PFKFB3: variants seen among roughly 807,000 people sequenced by gnomAD.
The protein encoded by PFKFB3 is 6-phosphofructo-2-kinase/fructose-2,6-biphosphatase 3.
A neutral mutation model predicts 68.0 loss-of-function variants in PFKFB3; 33 were observed. The ratio of observed to expected loss-of-function variants is 0.49; its 90% CI spans 0.37 to 0.65. The LOEUF (loss-of-function observed/expected upper bound fraction) is 0.65, where lower values mean the gene tolerates loss of function less well. Among genes scored for constraint, PFKFB3 ranks in the 30% least tolerant of loss-of-function variants. The pLI, the probability that PFKFB3 is intolerant of heterozygous loss-of-function variation, is 0.00. For synonymous variants in PFKFB3, 315 were observed against 288.2 expected (o/e 1.09, Z -0.94); for missense variants, 586 against 712.2 (o/e 0.82, Z 2.02).
downstream of PFKFB3, among the ~76,000 whole-genome samples, chr10:6,255,347 C>T (rs151239020): frequency 1.2e-3 from 184 of 152,260 alleles, 1 homozygote; most frequent in African/African-American, 4.0e-3. Flanking sequence ...TGGTCTCAAA[C>T]TCCTGACCTC....
chr10:6,318,873 T>C, the PFKFB3 span, among the ~76,000 whole-genome samples: 1 of 152,192 alleles, frequency 6.6e-6, no homozygotes, highest in African/African-American at 2.4e-5. Context: ...TGCGAAGGTC[T>C]GGAGGCCAAG....
the PFKFB3 span, among the ~76,000 whole-genome samples, chr10:6,285,517 G>A: frequency 3.0e-4 from 45 of 152,282 alleles, no homozygotes; most frequent in Non-Finnish European, 5.1e-4. Flanking sequence ...ACAGGCATGA[G>A]CCACTGCGCC....
the PFKFB3 span, among the ~76,000 whole-genome samples, chr10:6,273,642 C>T: frequency 6.6e-6 from 1 of 152,244 alleles, no homozygotes; most frequent in South Asian, 2.1e-4. Flanking sequence ...CAGGGTGTGA[C>T]CTTATTTGGA....
the PFKFB3 span, among the ~76,000 whole-genome samples, chr10:6,323,692 A>G: frequency 6.6e-6 from 1 of 152,242 alleles, no homozygotes; most frequent in Non-Finnish European, 1.5e-5. Flanking sequence ...CTCCAATACG[A>G]TGAAAAGACC....
the PFKFB3 span, among the ~76,000 whole-genome samples, chr10:6,304,082 C>T: frequency 6.6e-6 from 1 of 152,176 alleles, no homozygotes; most frequent in Admixed American, 6.5e-5. Flanking sequence ...GTTTTCTAAT[C>T]AGAGTTTTAG....
At chr10:6,155,356 C>T (rs1279190337) in intron 1 of PFKFB3, among the ~76,000 whole-genome samples, 1 of 151,870 alleles carries the variant, frequency 6.6e-6, no homozygotes, top group East Asian at 1.9e-4. Context: ...GCGCCCACCA[C>T]CACGCCCGGC....
chr10:6,302,749 TACACAC>T, the PFKFB3 span, among the ~76,000 whole-genome samples: 16,107 of 145,742 alleles, frequency 0.11, 1,005 homozygotes, highest in Non-Finnish European at 0.15. Context: ...TGTGTGTGTA[TACACAC>T]ACACACACAC....
intron 1 of PFKFB3, among the ~76,000 whole-genome samples, chr10:6,188,002 CATAT>C (rs35827719): frequency 0.74 from 109,198 of 148,176 alleles, 41,960 homozygotes; most frequent in Non-Finnish European, 0.85. Flanking sequence ...TACCTACCTA[CATAT>C]ATATATATAT....
chr10:6,272,512 G>A, the PFKFB3 span, among the ~76,000 whole-genome samples: 1 of 152,190 alleles, frequency 6.6e-6, no homozygotes, highest in African/African-American at 2.4e-5. Context: ...TGGCCAACAT[G>A]GTGAACCCCG....
intron 14 of PFKFB3, among the ~76,000 whole-genome samples, chr10:6,244,848 G>A (rs1033605486): frequency 3.3e-5 from 5 of 152,114 alleles, no homozygotes; most frequent in Admixed American, 6.5e-5. Context: ...CCTATTAATG[G>A]CCCGAGATTG....
At chr10:6,219,468 A>G (rs1844803158) in intron 6 of PFKFB3, 101 bp from the exon 7 acceptor site, 4 of 1,264,284 alleles carry the variant, frequency 3.2e-6, no homozygotes, top group Non-Finnish European at 4.6e-6. Context: ...CTTTATACTG[A>G]GCCTTCTGTG....
chr10:6,194,934 G>C (rs565340378), intron 1 of PFKFB3, among the ~76,000 whole-genome samples: 2 of 151,096 alleles, frequency 1.3e-5, no homozygotes, highest in South Asian at 4.2e-4. Context: ...ATGCAGTGGC[G>C]CAATCTCGGC....
intron 2 of PFKFB3, among the ~76,000 whole-genome samples, chr10:6,214,993 C>T (rs1161834583): frequency 7.9e-5 from 12 of 152,216 alleles, no homozygotes; most frequent in South Asian, 2.1e-4. Context: ...GCAGAGCATG[C>T]GGCAGGGGCA....
In PFKFB3 at chr10:6,235,429, T is replaced by C. The variant is rs1333855602; in HGVS notation, c.*2487T>C. The stretch of plus-strand genomic sequence containing the variant: ...TGTTCTGTGTATTTGTCTGAATTAA[T>C]GACCTGGGATATAAAGCTATGCTAG... On this transcript the variant is annotated 3_prime_UTR_variant, in exon 15 of 15. Coordinates refer to ENST00000379775, the MANE Select transcript of PFKFB3 (RefSeq NM_004566.4). The C allele has an allele frequency of 6.6e-6, 1 of 152,344 alleles. No individual in the cohort carries two copies. Among genetic ancestry groups the C allele is most frequent in the Non-Finnish European group, 1.5e-5 (1 of 68,040 alleles). 9.4% of individuals were successfully genotyped at this position (152,344 alleles called of 1,614,324 possible).
At chr10:6,236,559 A>G (rs1846016606), downstream of PFKFB3, among the ~76,000 whole-genome samples, 2 of 152,220 alleles carry the variant, frequency 1.3e-5, no homozygotes, top group African/African-American at 4.8e-5. Flanking sequence ...CTCTGTTGCG[A>G]GATGACTCCC....
intron 14 of PFKFB3, chr10:6,231,669 G>A (rs943004407): frequency 2.4e-6 from 2 of 849,072 alleles, no homozygotes; most frequent in Non-Finnish European, 2.8e-6. Context: ...CCACAGCCCG[G>A]CTGGGGCTCT....
the PFKFB3 span, among the ~76,000 whole-genome samples, chr10:6,297,166 G>T: frequency 6.6e-6 from 1 of 152,222 alleles, no homozygotes; most frequent in East Asian, 1.9e-4. Context: ...TGTCCCAGTG[G>T]AGCATAAACA....
At chr10:6,226,127 G>T in intron 13 of PFKFB3, 65 bp from the exon 14 acceptor site, 1 of 1,412,108 alleles carries the variant, frequency 7.1e-7, no homozygotes, top group Non-Finnish European at 9.6e-7. Flanking sequence ...AACTTTTTTG[G>T]GGCTAATTTT....
chr10:6,225,980 G>C (rs1240829992), intron 13 of PFKFB3, among the ~76,000 whole-genome samples: 3 of 152,204 alleles, frequency 2.0e-5, no homozygotes, highest in African/African-American at 7.2e-5. Context: ...TCCGAGGAAG[G>C]GGGCATGGGA....
Sources: gnomAD v4.1 joint callset for allele counts (sites outside exome capture counted in the v4.1 genomes callset) on GRCh38, gnomAD v4.1.1 for gene constraint, MANE v1.5 for transcripts, NCBI Gene and HGNC (gene_info 2026-07-23, HGNC 2026-07-21) for gene names.